Variants in NFASC observed in about 807,000 individuals in gnomAD.
The protein encoded by NFASC is neurofascin homolog.
In NFASC, 43 loss-of-function variants were observed where a neutral mutation model predicts 147.5. The observed-to-expected ratio is 0.29, with a 90% CI of 0.23 to 0.38. The LOEUF (loss-of-function observed/expected upper bound fraction) is 0.38. Among genes scored for constraint, NFASC ranks in the 10% least tolerant of loss-of-function variants. The pLI, the probability that NFASC is intolerant of heterozygous loss-of-function variation, is 1.00. For synonymous variants in NFASC, 622 were observed against 665.5 expected (o/e 0.93, Z 1.01); for missense variants, 1,320 against 1,689.0 (o/e 0.78, Z 3.83).
At chr1:204,923,226 A>T (rs1487682093) in intron 2 of NFASC, among the ~76,000 whole-genome samples, 2 of 152,060 alleles carry the variant, frequency 1.3e-5, no homozygotes, top group Non-Finnish European at 2.9e-5. Flanking sequence ...GAGCTCTGAA[A>T]CCGCCTAAGG....
At chr1:204,876,996 GTATATA>G (rs60582969) in intron 1 of NFASC, among the ~76,000 whole-genome samples, 6,313 of 74,586 alleles carry the variant, frequency 0.085, 633 homozygotes, top group African/African-American at 0.27. Flanking sequence ...GGCTAAATAT[GTATATA>G]TATATATATA....
At chr1:204,965,476 G>A (rs542843076) in intron 8 of NFASC, among the ~76,000 whole-genome samples, 1 of 152,156 alleles carries the variant, frequency 6.6e-6, no homozygotes, top group African/African-American at 2.4e-5. Context: ...ATTCCTTAAT[G>A]ATATTATGTC....
chr1:204,838,546 G>A (rs1674430499), intron 1 of NFASC, among the ~76,000 whole-genome samples: 3 of 152,196 alleles, frequency 2.0e-5, no homozygotes, highest in Admixed American at 1.3e-4. Flanking sequence ...AAGGCTCCTT[G>A]GATTCTGTCT....
chr1:204,993,990 C>A (rs374979873), intron 24 of NFASC, among the ~76,000 whole-genome samples: 1 of 152,200 alleles, frequency 6.6e-6, no homozygotes, highest in African/African-American at 2.4e-5. Flanking sequence ...CACCTTCCCT[C>A]GGAGGCTTTT....
intron 23 of NFASC, chr1:204,990,232 C>G (rs2095695967): frequency 6.6e-6 from 1 of 152,262 alleles, no homozygotes; most frequent in Non-Finnish European, 1.5e-5. Flanking sequence ...TGCACTCTCC[C>G]AAGCCCCTGG....
chr1:204,994,076 G>A (rs1290533907), intron 24 of NFASC, among the ~76,000 whole-genome samples: 1 of 152,164 alleles, frequency 6.6e-6, no homozygotes, highest in Non-Finnish European at 1.5e-5. Context: ...TAATGAGTGG[G>A]TCGGAGATGT....
intron 1 of NFASC, among the ~76,000 whole-genome samples, chr1:204,899,245 A>G (rs1351189741): frequency 1.3e-5 from 2 of 152,226 alleles, no homozygotes; most frequent in African/African-American, 4.8e-5. Context: ...TTCCTGAACC[A>G]CTGCAAAAGC....
intron 1 of NFASC, among the ~76,000 whole-genome samples, chr1:204,854,578 G>T (rs1430152974): frequency 6.6e-6 from 1 of 152,214 alleles, no homozygotes; most frequent in Non-Finnish European, 1.5e-5. Flanking sequence ...TGCCATCCTT[G>T]TGGGAATGAA....
chr1:204,834,550 C>T (rs1571839951), intron 1 of NFASC, among the ~76,000 whole-genome samples: 1 of 152,326 alleles, frequency 6.6e-6, no homozygotes, highest in South Asian at 2.1e-4. Context: ...CCTCCCCTCC[C>T]GGGCTGGCCC....
At chr1:204,930,369 G>C (rs1278011574) in intron 2 of NFASC, among the ~76,000 whole-genome samples, 2 of 152,138 alleles carry the variant, frequency 1.3e-5, no homozygotes, top group Admixed American at 1.3e-4. Flanking sequence ...TGCTTTTGTT[G>C]TTATTACTCA....
Position 204,968,434 on chromosome 1 carries a change from T to G in NFASC, c.818+74T>G. ...GGATGGGAGCTTGTTCATGCTCTTG[T>G]TAATGCCACATTTAGTGCATACCAG... On this transcript the variant is annotated intron_variant, in intron 9 of 29. Transcript: ENST00000339876. The surrounding 1 kb of genome is among the most constrained non-coding windows in gnomAD (Gnocchi z 5.4). 2 of 1,118,248 alleles carry G rather than the reference T, an allele frequency of 1.8e-6. No individual in the cohort carries two copies. The highest frequency in any genetic ancestry group is 2.7e-6 in the Non-Finnish European group (2 of 736,412). The allele number at this position is 1,118,248 out of a possible 1,614,324, so 69.3% of individuals were successfully genotyped here.
Position 204,917,415 on chromosome 1 carries a change from T to C in NFASC, c.-199-3217T>C, listed in dbSNP as rs1329324056. On this transcript the variant is annotated intron_variant, in intron 1 of 29. Coordinates refer to ENST00000339876, the MANE Select transcript of NFASC (RefSeq NM_001005388.3). The stretch of plus-strand genomic sequence containing the variant: ...GGAGAGAATAATATAATGAAACTTA[T>C]GTATCCATCATCCTTGTCAATAATT... Among the ~76,000 whole-genome samples, 4 of 152,244 alleles carry C rather than the reference T, an allele frequency of 2.6e-5. No individual in the cohort carries two copies. The South Asian group carries it at 8.3e-4, about 31-fold the overall frequency.
chr1:204,895,052 G>A (rs2149095098), intron 1 of NFASC, among the ~76,000 whole-genome samples: 1 of 152,178 alleles, frequency 6.6e-6, no homozygotes, highest in East Asian at 1.9e-4. Flanking sequence ...TGTCTTCTGT[G>A]TTGCTTGCAT....
chr1:204,829,710 G>T (rs1029713577), intron 1 of NFASC, among the ~76,000 whole-genome samples: 6 of 152,198 alleles, frequency 3.9e-5, no homozygotes, highest in African/African-American at 1.4e-4. Context: ...TGGGGAAGGG[G>T]CAGGGTCCAG....
chr1:204,844,696 A>C (rs562840916), intron 1 of NFASC, among the ~76,000 whole-genome samples: 25 of 152,292 alleles, frequency 1.6e-4, no homozygotes, highest in Non-Finnish European at 2.9e-4. Context: ...GAAAGAGGAG[A>C]GAGACACGAA....
At chr1:204,946,859 A>T (rs2093783067) in intron 3 of NFASC, 1 of 479,656 alleles carries the variant, frequency 2.1e-6, no homozygotes, top group Admixed American at 2.1e-5. Flanking sequence ...AAGCGAGGCC[A>T]GCCGCCCTGG....
At position 204,991,366 on chromosome 1, in the gene NFASC, C is replaced by T. The variant is rs2095731420; in HGVS notation, c.2782+60C>T. ...ATGGGGCAGCGCAGGCGGAGCCCAG[C>T]CCAGCCAGGGCGGACAAGGAGGGAG... On this transcript the variant is annotated intron_variant, in intron 24 of 29. Transcript: ENST00000339876. 2.8e-5 allele frequency: 44 copies of T among 1,573,744 alleles called. No homozygotes were observed. The South Asian group carries it at 4.8e-4, about 17-fold the overall frequency.
intron 1 of NFASC, among the ~76,000 whole-genome samples, chr1:204,913,952 G>T (rs185508012): frequency 4.2e-4 from 64 of 150,746 alleles, no homozygotes; most frequent in Non-Finnish European, 7.1e-4. Flanking sequence ...GAAAAACATG[G>T]AAACATAAAA....
Position 204,957,845 on chromosome 1 carries a change from C to A in NFASC, c.706+19C>A. ...CTCACCAGTAAGTGAAGGCCCCTGT[C>A]CCGGGGCTGGGGGCCAAAGAAAGAA... On this transcript the variant is annotated intron_variant, in intron 8 of 29. Transcript: ENST00000339876. 6.2e-7 allele frequency: 1 copy of A among 1,613,320 alleles called. No individual in the cohort carries two copies. The highest frequency in any genetic ancestry group is 8.5e-7 in the Non-Finnish European group (1 of 1,179,376).
Sources: allele counts gnomAD v4.1 joint callset (sites outside exome capture counted in the v4.1 genomes callset), GRCh38; gene constraint gnomAD v4.1.1; non-coding constraint Gnocchi (gnomAD v3.1); transcripts MANE v1.5; gene names NCBI Gene and HGNC (gene_info 2026-07-23, HGNC 2026-07-21).